RNF217: variants seen among roughly 807,000 people sequenced by gnomAD.
RNF217 encodes E3 ubiquitin-protein ligase RNF217.
A neutral mutation model predicts 57.8 loss-of-function variants in RNF217; 31 were observed. That is an observed-to-expected ratio of 0.54 (90% CI 0.40 to 0.72). RNF217 has a LOEUF of 0.72. Among genes scored for constraint, RNF217 ranks in the 30% least tolerant of loss-of-function variants. The probability of loss-of-function intolerance (pLI) is 0.00; values close to 1 mark genes in which losing one functional copy is unlikely to be tolerated. For missense variants in RNF217, 696 were observed against 708.3 expected, an observed-to-expected ratio of 0.98 and a Z score of 0.20; for synonymous variants, 313 against 294.0, an observed-to-expected ratio of 1.06 and a Z score of -0.66.
chr6:124,985,486 A>G (rs1217950022), intron 1 of RNF217, among the ~76,000 whole-genome samples: 1 of 152,194 alleles, frequency 6.6e-6, no homozygotes, highest in African/African-American at 2.4e-5. Flanking sequence ...GTGAATTTCT[A>G]TCATTAGGAA....
chr6:125,047,208 T>G (rs1352427425), intron 2 of RNF217, among the ~76,000 whole-genome samples: 1 of 152,074 alleles, frequency 6.6e-6, no homozygotes, highest in African/African-American at 2.4e-5. Flanking sequence ...TTTTTAAAAT[T>G]GCAGTAATTA....
At chr6:125,033,345 TC>T (rs929978023) in intron 1 of RNF217, among the ~76,000 whole-genome samples, 3 of 82,562 alleles carry the variant, frequency 3.6e-5, no homozygotes. Flanking sequence ...CCCTCCCCCC[TC>T]CCCCCACCCC....
intron 3 of RNF217, among the ~76,000 whole-genome samples, chr6:125,074,290 AAGATAGGT>A (rs756066644): frequency 3.3e-4 from 46 of 139,888 alleles, no homozygotes; most frequent in Non-Finnish European, 6.0e-4. Flanking sequence ...CGGTAGACAG[AAGATAGGT>A]AGATAGATAG....
At chr6:124,972,377 C>T (rs928112195) in intron 1 of RNF217, among the ~76,000 whole-genome samples, 7 of 152,176 alleles carry the variant, frequency 4.6e-5, no homozygotes, top group Admixed American at 4.6e-4. Flanking sequence ...CAGTGATGCT[C>T]TCTTGGCTCT....
chr6:124,972,810 A>G (rs1313597796), intron 1 of RNF217, among the ~76,000 whole-genome samples: 1 of 152,086 alleles, frequency 6.6e-6, no homozygotes, highest in Non-Finnish European at 1.5e-5. Flanking sequence ...CATCCTTCCT[A>G]TATTCTTTGA....
At chr6:124,995,876 C>T (rs1219427071) in intron 1 of RNF217, among the ~76,000 whole-genome samples, 2 of 151,922 alleles carry the variant, frequency 1.3e-5, no homozygotes, top group Non-Finnish European at 2.9e-5. Flanking sequence ...GAGCCGAGAT[C>T]GTGTCATTGC....
rs1217694708 is a variant in RNF217, at chr6:125,007,247, G to A, written c.883-37964G>A. On this transcript the variant is annotated intron_variant, in intron 1 of 5. Transcript: ENST00000521654. ...TCTATTCTTCTTTTTTTCACTTTGAGCATTTTTTTTTTTTTGAGATGGAGT... is the reference window on the plus strand; with the variant it reads ...TCTATTCTTCTTTTTTTCACTTTGAACATTTTTTTTTTTTTGAGATGGAGT... Among the ~76,000 whole-genome samples, 3 of 113,666 alleles carry A rather than the reference G, an allele frequency of 2.6e-5. No individual in the cohort carries two copies. The East Asian group carries it at 9.0e-4, about 34-fold the overall frequency. The allele number at this position is 113,666 out of a possible 152,430, so 74.6% of individuals were successfully genotyped here. A position where few individuals can be genotyped will look rare whatever the true frequency, so the allele number is the denominator to read the frequency against.
At chr6:125,061,854 T>C (rs1254117005) in intron 3 of RNF217, among the ~76,000 whole-genome samples, 1 of 151,980 alleles carries the variant, frequency 6.6e-6, no homozygotes, top group Non-Finnish European at 1.5e-5. Flanking sequence ...TTTTCTTTCT[T>C]TATTTGATTT....
intron 1 of RNF217, among the ~76,000 whole-genome samples, chr6:125,020,137 C>T (rs1274732549): frequency 1.3e-5 from 2 of 152,192 alleles, no homozygotes; most frequent in Non-Finnish European, 1.5e-5. Context: ...GAATGATAAA[C>T]AGCTACCATT....
At chr6:125,023,652 G>A (rs1456153744) in intron 1 of RNF217, among the ~76,000 whole-genome samples, 2 of 152,136 alleles carry the variant, frequency 1.3e-5, no homozygotes, top group African/African-American at 2.4e-5. Context: ...GTTCACAATA[G>A]CCAAGATATG....
chr6:125,046,531 A>G (rs1458591758), intron 2 of RNF217: 3 of 454,100 alleles, frequency 6.6e-6, no homozygotes, highest in African/African-American at 2.0e-5. Context: ...ACTAATCCAC[A>G]GTAGAGAATC....
chr6:125,056,941 A>T (rs1306402710), intron 2 of RNF217, among the ~76,000 whole-genome samples: 1 of 152,244 alleles, frequency 6.6e-6, no homozygotes, highest in Non-Finnish European at 1.5e-5. Flanking sequence ...TATTAAACTT[A>T]CACGTGCACT....
At chr6:125,002,460 C>T (rs929769782) in intron 1 of RNF217, among the ~76,000 whole-genome samples, 9 of 152,152 alleles carry the variant, frequency 5.9e-5, no homozygotes, top group Admixed American at 3.3e-4. Flanking sequence ...CCCATCTTCC[C>T]TTGAGACTTA....
At chr6:124,975,441 C>T (rs1173672899) in intron 1 of RNF217, among the ~76,000 whole-genome samples, 1 of 152,124 alleles carries the variant, frequency 6.6e-6, no homozygotes, top group Non-Finnish European at 1.5e-5. Flanking sequence ...ATTATTCATT[C>T]ATTCATTGAG....
intron 1 of RNF217, among the ~76,000 whole-genome samples, chr6:125,000,397 ATATGT>A (rs1343092926): frequency 6.6e-6 from 1 of 152,030 alleles, no homozygotes; most frequent in African/African-American, 2.4e-5. Context: ...ATGTTATATG[ATATGT>A]TATATATAAT....
At chr6:125,082,253 A>G (rs1421984994) in intron 5 of RNF217, among the ~76,000 whole-genome samples, 1 of 152,124 alleles carries the variant, frequency 6.6e-6, no homozygotes, top group Non-Finnish European at 1.5e-5. Context: ...AATGCTATAG[A>G]TAAAGGCTGC....
Position 125,058,003 on chromosome 6 carries a change from G to C in RNF217, c.1178G>C (p.Gly393Ala). The change falls in exon 3 of 6, where the codon GGT becomes GCT. Residue 393 changes from glycine to alanine, a missense_variant. This residue lies in a region of RNF217 where 231 missense variants were observed against 321.4 expected (regional missense o/e 0.72). Transcript: ENST00000521654. ...AAGTGCCACTCTCCTTGGCATGAAG[G>C]TGTTAACTGCAAGGAGTACAAAAAA... is the stretch of plus-strand genomic sequence containing the variant. Reference protein sequence around the residue: ...CFKCHSPWHEGVNCKEYKKGD... With the variant: ...CFKCHSPWHEAVNCKEYKKGD... The C allele has an allele frequency of 1.2e-6, 2 of 1,613,304 alleles. No individual in the cohort carries two copies. The highest frequency in any genetic ancestry group is 1.7e-6 in the Non-Finnish European group (2 of 1,179,536).
intron 1 of RNF217, among the ~76,000 whole-genome samples, chr6:124,997,027 G>T (rs1784781604): frequency 7.0e-6 from 1 of 143,034 alleles, no homozygotes; most frequent in African/African-American, 3.0e-5. Context: ...GCAAGTTTAG[G>T]TTCTACAAAC....
chr6:125,048,036 T>TA, intron 2 of RNF217: 1 of 358,698 alleles, frequency 2.8e-6, no homozygotes, highest in South Asian at 2.9e-5. Context: ...CCTGAAGCAA[T>TA]AATTTTTACT....
Sources: gnomAD v4.1 joint callset for allele counts (sites outside exome capture counted in the v4.1 genomes callset) on GRCh38, gnomAD v4.1.1 for gene constraint, gnomAD v4.1.1 regional missense constraint, MANE v1.5 for transcripts, NCBI Gene and HGNC (gene_info 2026-07-23, HGNC 2026-07-21) for gene names.